MEGF10: variants seen among roughly 807,000 people sequenced by gnomAD.
The protein encoded by MEGF10 is multiple epidermal growth factor-like domains protein 10.
In MEGF10, 86 loss-of-function variants were observed where a neutral mutation model predicts 147.5. The ratio of observed to expected loss-of-function variants is 0.58; its 90% CI spans 0.49 to 0.70. MEGF10 has a LOEUF of 0.70. Among genes scored for constraint, MEGF10 ranks in the 30% least tolerant of loss-of-function variants. The probability of loss-of-function intolerance (pLI) is 0.00; values close to 1 mark genes in which losing one functional copy is unlikely to be tolerated. For synonymous variants in MEGF10, 478 were observed against 525.5 expected, an observed-to-expected ratio of 0.91 and a Z score of 1.24; for missense variants, 1,329 against 1,487.3, an observed-to-expected ratio of 0.89 and a Z score of 1.75.
At chr5:127,347,773 GA>G (rs1427617574) in intron 4 of MEGF10, among the ~76,000 whole-genome samples, 1 of 151,962 alleles carries the variant, frequency 6.6e-6, no homozygotes, top group East Asian at 1.9e-4. Context: ...ATAGAATGGA[GA>G]AAACACATGA....
chr5:127,262,120 C>T, the MEGF10 span, among the ~76,000 whole-genome samples: 1 of 152,032 alleles, frequency 6.6e-6, no homozygotes, highest in Non-Finnish European at 1.5e-5. Flanking sequence ...TTGATGAAGT[C>T]TAATTTACCT....
rs78858205 is a variant in MEGF10 at position 127,355,315 on chromosome 5, A to T, written c.320-14595A>T. 8.6e-5 allele frequency among the ~76,000 whole-genome samples: 12 copies of T among 138,772 alleles called. No homozygotes were observed. The East Asian group carries it at 2.0e-3, about 24-fold the overall frequency. The allele number at this position is 138,772 out of a possible 152,430, so 91.0% of individuals were successfully genotyped here. A position where few individuals can be genotyped will look rare whatever the true frequency, so the allele number is the denominator to read the frequency against. On this transcript the variant is annotated intron_variant, in intron 4 of 24. Coordinates refer to ENST00000503335, the MANE Select transcript of MEGF10 (RefSeq NM_001256545.2). The stretch of plus-strand genomic sequence containing the variant: ...TAAAATTGTGATCTTGTCAAATATT[A>T]AAAAAAAAACCATAGTCTTTTGATC...
At position 127,408,282 on chromosome 5, in the gene MEGF10, G is replaced by A. The variant is rs544822811; in HGVS notation, c.918-2107G>A. Among the ~76,000 whole-genome samples the A allele has an allele frequency of 1.8e-3, 271 of 152,206 alleles. 3 individuals are homozygous for A. The highest frequency in any genetic ancestry group is 6.3e-3 in the African/African-American group (260 of 41,526). ...GAAGATAGTTTAAAACTTAACATTT[G>A]GGTTTGTTTTCAAATCCTTTTAGGA... is the stretch of plus-strand genomic sequence containing the variant. On this transcript the variant is annotated intron_variant, in intron 8 of 24. Transcript: ENST00000503335.
intron 21 of MEGF10, among the ~76,000 whole-genome samples, chr5:127,447,886 T>C (rs901190608): frequency 2.6e-5 from 4 of 152,204 alleles, no homozygotes; most frequent in African/African-American, 7.2e-5. Context: ...GGAGTTTAAG[T>C]TACTTCCAGA....
the MEGF10 span, among the ~76,000 whole-genome samples, chr5:127,273,350 C>T: frequency 2.0e-5 from 3 of 151,926 alleles, no homozygotes; most frequent in African/African-American, 7.2e-5. Context: ...TGCTGCATGT[C>T]GAAAAAAAAA....
chr5:127,453,043 C>T (rs555355789), intron 22 of MEGF10, among the ~76,000 whole-genome samples: 52 of 152,322 alleles, frequency 3.4e-4, no homozygotes, highest in African/African-American at 1.3e-3. Context: ...TGTGTGCTTA[C>T]TCAGTGATCC....
At chr5:127,347,476 C>T (rs75810318) in intron 4 of MEGF10, among the ~76,000 whole-genome samples, 2,672 of 152,090 alleles carry the variant, frequency 0.018, 68 homozygotes, top group Middle Eastern at 0.099. Flanking sequence ...AGTTAACCAA[C>T]ACTTTTTTGT....
At chr5:127,238,310 G>T in the MEGF10 span, among the ~76,000 whole-genome samples, 1 of 151,948 alleles carries the variant, frequency 6.6e-6, no homozygotes, top group Non-Finnish European at 1.5e-5. Context: ...CCCACCTCAG[G>T]TTCCCAAATT....
At chr5:127,258,552 C>A in the MEGF10 span, among the ~76,000 whole-genome samples, 93 of 152,304 alleles carry the variant, frequency 6.1e-4, no homozygotes, top group African/African-American at 2.2e-3. Context: ...ATAGACATTT[C>A]TCTGAGCTTC....
chr5:127,402,236 G>C (rs1465857843), intron 7 of MEGF10, among the ~76,000 whole-genome samples: 1 of 152,142 alleles, frequency 6.6e-6, no homozygotes, highest in Non-Finnish European at 1.5e-5. Flanking sequence ...CATTCCTTAG[G>C]TTGCCATAAT....
the MEGF10 span, among the ~76,000 whole-genome samples, chr5:127,235,887 A>C: frequency 6.6e-6 from 1 of 152,226 alleles, no homozygotes; most frequent in African/African-American, 2.4e-5. Context: ...ATATACTAAC[A>C]ATATTTAAGT....
intron 5 of MEGF10, among the ~76,000 whole-genome samples, chr5:127,394,535 T>C (rs561550243): frequency 3.3e-4 from 50 of 152,304 alleles, no homozygotes; most frequent in African/African-American, 1.1e-3. Context: ...TAATTTGTTT[T>C]GGAGTCCCTT....
Position 127,301,385 on chromosome 5 carries a change from G to T in MEGF10, c.-19+10329G>T, listed in dbSNP as rs574831070. ...TTGGTAGACTGAAATGGAGAAAATA[G>T]GAGCATTTTTTTTTTCTCCAAAAGA... On this transcript the variant is annotated intron_variant, in intron 1 of 24. Coordinates refer to ENST00000503335, the MANE Select transcript of MEGF10 (RefSeq NM_001256545.2). Among the ~76,000 whole-genome samples the T allele has an allele frequency of 3.9e-5, 6 of 151,988 alleles. No homozygotes were observed. In the South Asian group the frequency reaches 1.2e-3, roughly 32 times the overall value.
Position 127,458,323 on chromosome 5 carries a change from T to C in MEGF10, c.*1005T>C, listed in dbSNP as rs76850984. On this transcript the variant is annotated 3_prime_UTR_variant, in exon 25 of 25. Transcript: ENST00000503335. ...AATCTTTCCCTAGAAGTGACTGAAA[T>C]ATTTTTGTGCATATTTGAGAAAGGG... The C allele has an allele frequency of 6.6e-6, 1 of 152,340 alleles. No individual in the cohort carries two copies. Among genetic ancestry groups the C allele is most frequent in the African/African-American group, 2.4e-5 (1 of 41,588 alleles). The allele number at this position is 152,340 out of a possible 1,614,324, so 9.4% of individuals were successfully genotyped here.
intron 16 of MEGF10, among the ~76,000 whole-genome samples, chr5:127,436,583 A>G (rs1346696446): frequency 6.6e-6 from 1 of 152,226 alleles, no homozygotes; most frequent in African/African-American, 2.4e-5. Flanking sequence ...GTCCAATATC[A>G]TTGTCACAAA....
chr5:127,398,495 A>T (rs1764006462), intron 6 of MEGF10, among the ~76,000 whole-genome samples, 181 bp from the exon 7 acceptor site: 2 of 152,200 alleles, frequency 1.3e-5, no homozygotes, highest in Non-Finnish European at 1.5e-5. Context: ...AAAGGGAAGG[A>T]CTGGGTGACT....
Position 127,397,982 on chromosome 5 carries a change from G to A in MEGF10, c.660-694G>A, listed in dbSNP as rs182196740. Among the ~76,000 whole-genome samples the A allele has an allele frequency of 7.6e-3, 1,140 of 150,440 alleles. 14 individuals carry two copies. Among genetic ancestry groups the A allele is most frequent in the African/African-American group, 0.026 (1,083 of 40,942 alleles). On this transcript the variant is annotated intron_variant, in intron 6 of 24. Transcript: ENST00000503335. ...ACACAGGAACAGAAAACCAAACACC[G>A]CATGTTCTCACTCATAAGTGGGAGT...
intron 1 of MEGF10, among the ~76,000 whole-genome samples, chr5:127,306,511 G>C (rs1368006695): frequency 1.3e-5 from 2 of 152,182 alleles, no homozygotes; most frequent in African/African-American, 4.8e-5. Flanking sequence ...CATATGCTGG[G>C]AACTACCATG....
At chr5:127,243,762 G>C in the MEGF10 span, among the ~76,000 whole-genome samples, 309 of 152,122 alleles carry the variant, frequency 2.0e-3, no homozygotes, top group Middle Eastern at 3.4e-3. Flanking sequence ...TAAATGAGGG[G>C]GTCACTAATA....
Sources: allele counts gnomAD v4.1 joint callset (sites outside exome capture counted in the v4.1 genomes callset), GRCh38; gene constraint gnomAD v4.1.1; transcripts MANE v1.5; gene names NCBI Gene and HGNC (gene_info 2026-07-23, HGNC 2026-07-21).